Variants in IGSF22 observed in about 807,000 individuals in gnomAD.
IGSF22 encodes immunoglobulin superfamily, member 22.
IGSF22 carries 119 observed loss-of-function variants against 127.0 expected under a neutral mutation model. That is an observed-to-expected ratio of 0.94 (90% CI 0.81 to 1.09). The LOEUF (loss-of-function observed/expected upper bound fraction) is 1.09. Among genes scored for constraint, IGSF22 ranks in the 50% least tolerant of loss-of-function variants. IGSF22 has a pLI of 0.00. For synonymous variants in IGSF22, 568 were observed against 664.7 expected (o/e 0.85, Z 2.24); for missense variants, 1,518 against 1,716.6 (o/e 0.88, Z 2.04).
chr11:18,707,926 T>A lies in IGSF22; in HGVS notation c.3158A>T (p.Lys1053Met). The change falls in exon 20 of 23, where the codon AAG becomes ATG. Residue 1053 changes from lysine (K) to methionine (M), a missense_variant. Physicochemically the swap from Lys to Met is moderately conservative, Grantham distance 95. Transcript: ENST00000513874. Reference protein sequence around the residue: ...VPTKGRETITKSKNHSQFLIN... With the variant: ...VPTKGRETITMSKNHSQFLIN... ...GAGGAACTGGGAGTGGTTTTTGCTC[T>A]TGGTAATTGTCTCTCGGCCCTTGGT... The A allele has an allele frequency of 6.2e-7, 1 of 1,614,206 alleles. No individual in the cohort carries two copies. Among genetic ancestry groups the A allele is most frequent in the Non-Finnish European group, 8.5e-7 (1 of 1,180,038 alleles).
intron 8 of IGSF22, among the ~76,000 whole-genome samples, 158 bp from the exon 9 acceptor site, chr11:18,718,251 T>A (rs1848498954): frequency 6.6e-6 from 1 of 152,170 alleles, no homozygotes; most frequent in East Asian, 1.9e-4. Context: ...TCTGGTTTGG[T>A]GGGATCCAAG....
rs1184983855 is a variant in IGSF22, at chr11:18,716,165, G to A, written c.1247-449C>T. Among the ~76,000 whole-genome samples, 1 of 152,270 alleles carries A rather than the reference G, an allele frequency of 6.6e-6. No homozygotes were observed. The highest frequency in any genetic ancestry group is 1.5e-5 in the Non-Finnish European group (1 of 68,032). On this transcript the variant is annotated intron_variant, in intron 10 of 22. Transcript: ENST00000513874. This position sits in a 1 kb window ranked among gnomAD's most constrained non-coding sequence, Gnocchi z 4.5. ...CTCTACTCTCCCTCATTCTTTGAAA[G>A]CGGAACTCCTTTTAGTTCTTGGTAA... is the stretch of plus-strand genomic sequence containing the variant.
intron 1 of IGSF22, among the ~76,000 whole-genome samples, chr11:18,724,542 G>C (rs1213829536): frequency 6.6e-6 from 1 of 152,170 alleles, no homozygotes; most frequent in African/African-American, 2.4e-5. Context: ...AACCAAGTAA[G>C]GCCTGGAGGG....
chr11:18,706,566 C>A (rs1848238463), intron 21 of IGSF22: 3 of 355,190 alleles, frequency 8.4e-6, no homozygotes, highest in Non-Finnish European at 1.5e-5. Flanking sequence ...AACCCCTAGC[C>A]TCCAGGGATC....
chr11:18,725,117 G>A lies in IGSF22; in HGVS notation c.-33-848C>T, dbSNP rs75556607. Among the ~76,000 whole-genome samples the A allele has an allele frequency of 6.3e-3, 956 of 150,884 alleles. 10 individuals carry two copies. The highest frequency in any genetic ancestry group is 0.022 in the African/African-American group (901 of 41,026). ...GATTTTTTCCATACCAGATGATAGCGTTTCCTCATTCCTGTTCAGAGCACC... is the reference window on the plus strand; with the variant it reads ...GATTTTTTCCATACCAGATGATAGCATTTCCTCATTCCTGTTCAGAGCACC... On this transcript the variant is annotated intron_variant, in intron 1 of 22. Coordinates refer to ENST00000513874, the MANE Select transcript of IGSF22 (RefSeq NM_173588.4).
Position 18,704,373 on chromosome 11 carries a change from A to T in IGSF22, c.*95T>A, listed in dbSNP as rs1271967774. Reference sequence around the variant, plus strand: ...GAATGTTTACATTAACAAACACCAGAGAGCAAACTGGGCTTCCTACACTGG... The same window carrying T: ...GAATGTTTACATTAACAAACACCAGTGAGCAAACTGGGCTTCCTACACTGG... On this transcript the variant is annotated 3_prime_UTR_variant, in exon 23 of 23. Coordinates refer to ENST00000513874, the MANE Select transcript of IGSF22 (RefSeq NM_173588.4). 2.4e-5 allele frequency: 19 copies of T among 783,876 alleles called. No homozygotes were observed. The highest frequency in any genetic ancestry group is 4.2e-5 in the Non-Finnish European group (19 of 455,844). 48.6% of individuals were successfully genotyped at this position (783,876 alleles called of 1,614,324 possible). A position where few individuals can be genotyped will look rare whatever the true frequency, so the allele number is the denominator to read the frequency against.
rs568236068 is a variant in IGSF22, at chr11:18,716,166, C to T, written c.1247-450G>A. On this transcript the variant is annotated intron_variant, in intron 10 of 22. Transcript: ENST00000513874. This position sits in a 1 kb window ranked among gnomAD's most constrained non-coding sequence, Gnocchi z 4.5. ...TCTACTCTCCCTCATTCTTTGAAAG[C>T]GGAACTCCTTTTAGTTCTTGGTAAA... Among the ~76,000 whole-genome samples, 12 of 152,262 alleles carry T rather than the reference C, an allele frequency of 7.9e-5. No individual in the cohort carries two copies. In the South Asian group the frequency reaches 1.5e-3, roughly 18 times the overall value.
In IGSF22 at chr11:18,717,849, T is replaced by C. The variant is rs370998395; in HGVS notation, c.973+82A>G. 1.1e-4 allele frequency: 156 copies of C among 1,462,122 alleles called. No individual in the cohort carries two copies. The East Asian group carries it at 3.2e-3, about 30-fold the overall frequency. 90.6% of individuals were successfully genotyped at this position (1,462,122 alleles called of 1,614,324 possible). ...CAGTCCCATAGTCCTCTCTTCAATATCCCCATGGATCCCAACCCTGGCCAT... is the reference window on the plus strand; with the variant it reads ...CAGTCCCATAGTCCTCTCTTCAATACCCCCATGGATCCCAACCCTGGCCAT... On this transcript the variant is annotated intron_variant, in intron 9 of 22. Coordinates refer to ENST00000513874, the MANE Select transcript of IGSF22 (RefSeq NM_173588.4).
intron 15 of IGSF22, among the ~76,000 whole-genome samples, 200 bp from the exon 16 acceptor site, chr11:18,711,028 G>A (rs1590440459): frequency 6.6e-6 from 1 of 152,046 alleles, no homozygotes; most frequent in Non-Finnish European, 1.5e-5. Flanking sequence ...CTCCTGTCTT[G>A]GCCTTCCGAA....
At chr11:18,722,845 C>A (rs545894629) in intron 2 of IGSF22, among the ~76,000 whole-genome samples, 29 of 152,316 alleles carry the variant, frequency 1.9e-4, no homozygotes, top group Admixed American at 1.7e-3. Context: ...TGTTAAGAAG[C>A]TCTCATGGCC....
chr11:18,721,408 T>C, intron 4 of IGSF22, 127 bp downstream of exon 4: 1 of 1,261,228 alleles, frequency 7.9e-7, no homozygotes. Context: ...CAATGACAGC[T>C]GCTTTTCCCA....
At chr11:18,710,227 T>G in intron 17 of IGSF22, 100 bp downstream of exon 17, 2 of 1,480,724 alleles carry the variant, frequency 1.4e-6, no homozygotes, top group Non-Finnish European at 1.9e-6. Context: ...GTGTAGAGAC[T>G]GTGATACCTC....
rs1484191875 is a variant in IGSF22, at chr11:18,708,315, G to A, written c.2999-20C>T. The A allele has an allele frequency of 1.1e-5, 16 of 1,518,750 alleles. No homozygotes were observed. Among genetic ancestry groups the A allele is most frequent in the Non-Finnish European group, 1.2e-5 (13 of 1,129,922 alleles). 94.1% of individuals were successfully genotyped at this position (1,518,750 alleles called of 1,614,324 possible). Reference sequence around the variant, plus strand: ...GTGCAGCTGAGATGGAGGAGACAGAGGTGGAGGCATGGATCTGTCTTTCAA... The same window carrying A: ...GTGCAGCTGAGATGGAGGAGACAGAAGTGGAGGCATGGATCTGTCTTTCAA... On this transcript the variant is annotated intron_variant, in intron 18 of 22. Transcript: ENST00000513874.
chr11:18,719,796 CCTT>C lies in IGSF22; in HGVS notation c.613_615del (p.Lys205del). The stretch of plus-strand genomic sequence containing the variant: ...TCGGTGAAACCATACTCCATGCACA[CCTT>C]CTCAAAGTCTTTCTTGGGCACTTTG... On this transcript the variant is annotated inframe_deletion, in exon 7 of 23. Transcript: ENST00000513874. The C allele has an allele frequency of 6.2e-7, 1 of 1,614,182 alleles. No individual in the cohort carries two copies. Among genetic ancestry groups the C allele is most frequent in the South Asian group, 1.1e-5 (1 of 91,084 alleles).
At chr11:18,704,633 G>T (rs368378451) in intron 22 of IGSF22, 95 bp from the exon 23 acceptor site, 8 of 756,340 alleles carry the variant, frequency 1.1e-5, no homozygotes, top group Non-Finnish European at 1.8e-5. Flanking sequence ...ACCAGGAGCT[G>T]GACCCTGGGA....
Position 18,717,977 on chromosome 11 carries a change from G to C in IGSF22, c.927C>G (p.Ser309Arg). ...TCATCCGCTTATCGCCCACGGACAG[G>C]CTGTAGATGCCAGCATCGTTCATGT... ...NVNMNDAGIY[S>R]LSVGDKRMSA... The change falls in exon 9 of 23, where the codon AGC becomes AGG. Residue 309 changes from serine to arginine, a missense_variant. By Grantham distance (110) the Ser-to-Arg change is moderately radical. Coordinates refer to ENST00000513874, the MANE Select transcript of IGSF22 (RefSeq NM_173588.4). The C allele has an allele frequency of 6.2e-7, 1 of 1,614,162 alleles. No individual in the cohort carries two copies. The highest frequency in any genetic ancestry group is 8.5e-7 in the Non-Finnish European group (1 of 1,180,032).
rs562728592 is a variant in IGSF22, at chr11:18,716,819, C to T, written c.1155G>A (p.Thr385=). The T allele has an allele frequency of 3.7e-6, 6 of 1,614,050 alleles. No individual in the cohort carries two copies. The highest frequency in any genetic ancestry group is 1.3e-5 in the African/African-American group (1 of 74,910). ...ITVSEDGLTH[T]LKIKDARLSD... ...TGAGTCTGGCATCCTTAATCTTAAG[C>T]GTGTGCGTCAGACCATCTTCGGACA... Residue 385 remains threonine, a synonymous_variant, in exon 10 of 23, where the codon ACG becomes ACA. Coordinates refer to ENST00000513874, the MANE Select transcript of IGSF22 (RefSeq NM_173588.4). This position sits in a 1 kb window ranked among gnomAD's most constrained non-coding sequence, Gnocchi z 4.5.
In IGSF22 at chr11:18,721,832, T is replaced by C; in HGVS notation, c.241+78A>G. 7 of 1,594,720 alleles carry C rather than the reference T, an allele frequency of 4.4e-6. No individual in the cohort carries two copies. In the South Asian group the frequency reaches 7.8e-5, roughly 18 times the overall value. On this transcript the variant is annotated intron_variant, in intron 3 of 22. Transcript: ENST00000513874. ...GCCAGGGTTTAGCATTGGAGGTCGTTGGGGTAGGACGGAGGGTGGGGGCAC... is the reference window on the plus strand; with the variant it reads ...GCCAGGGTTTAGCATTGGAGGTCGTCGGGGTAGGACGGAGGGTGGGGGCAC...
chr11:18,715,755 C>T (rs367708593), intron 10 of IGSF22, 39 bp from the exon 11 acceptor site: 251 of 1,575,914 alleles, frequency 1.6e-4, no homozygotes, highest in Non-Finnish European at 1.9e-4. Flanking sequence ...TCCCAAACCA[C>T]GACATCTTTT....
Sources: gnomAD v4.1 joint callset for allele counts (sites outside exome capture counted in the v4.1 genomes callset) on GRCh38, gnomAD v4.1.1 for gene constraint, Gnocchi (gnomAD v3.1) non-coding constraint, MANE v1.5 for transcripts, NCBI Gene and HGNC (gene_info 2026-07-23, HGNC 2026-07-21) for gene names.